The following ACKR2 variants were observed in gnomAD, a reference collection of about 807,000 sequenced individuals.
ACKR2 encodes the protein C-C chemokine receptor D6.
For synonymous variants in ACKR2, 207 were observed against 192.2 expected (o/e 1.08, Z -0.64); for missense variants, 457 against 477.3 (o/e 0.96, Z 0.40).
intron 2 of ACKR2, among the ~76,000 whole-genome samples, chr3:42,856,859 G>T (rs1045250331): frequency 7.6e-6 from 1 of 131,778 alleles, no homozygotes; most frequent in Non-Finnish European, 1.7e-5. Flanking sequence ...AATGCTCTTT[G>T]TTCAATATGA....
At chr3:42,812,470 CT>C (rs1700705840) in intron 1 of ACKR2, among the ~76,000 whole-genome samples, 1 of 152,062 alleles carries the variant, frequency 6.6e-6, no homozygotes, top group South Asian at 2.1e-4. Context: ...CATTTCCTTT[CT>C]TTTAATGAAA....
intron 2 of ACKR2, among the ~76,000 whole-genome samples, chr3:42,857,072 C>T (rs930284784): frequency 6.6e-6 from 1 of 151,956 alleles, no homozygotes; most frequent in Non-Finnish European, 1.5e-5. Context: ...CATGGTCCAC[C>T]CCAATCCCAT....
intron 1 of ACKR2, among the ~76,000 whole-genome samples, chr3:42,812,065 C>G (rs1700702283): frequency 6.6e-6 from 1 of 152,166 alleles, no homozygotes; most frequent in African/African-American, 2.4e-5. Context: ...ATATGCTGAG[C>G]GCCGGTCCCC....
intron 2 of ACKR2, among the ~76,000 whole-genome samples, chr3:42,829,186 A>G (rs944850945): frequency 2.6e-5 from 4 of 152,222 alleles, no homozygotes; most frequent in Non-Finnish European, 5.9e-5. Flanking sequence ...TACACATTTC[A>G]TCAATGCAAA....
At position 42,822,165 on chromosome 3, in the gene ACKR2, T is replaced by TATAAATAAATAAATAAATAAATAA. The variant is rs143225523; in HGVS notation, c.-38+2464_-38+2487dup. 2.9e-3 allele frequency among the ~76,000 whole-genome samples: 425 copies of TATAAATAAATAAATAAATAAATAA among 148,718 alleles called. 5 individuals are homozygous for TATAAATAAATAAATAAATAAATAA. Among genetic ancestry groups the TATAAATAAATAAATAAATAAATAA allele is most frequent in the African/African-American group, 0.01 (407 of 40,644 alleles). ...GTATTTATAGATAGATAGAGACAGA[T>TATAAATAAATAAATAAATAAATAA]ATAAATAAATAAATAAATAAATAAA... is the stretch of plus-strand genomic sequence containing the variant. On this transcript the variant is annotated intron_variant, in intron 2 of 2. Transcript: ENST00000422265.
chr3:42,864,850 G>A lies in ACKR2; in HGVS notation c.348G>A (p.Leu116=), dbSNP rs759998568. 4 of 1,614,184 alleles carry A rather than the reference G, an allele frequency of 2.5e-6. No individual in the cohort carries two copies. In the South Asian group the frequency reaches 4.4e-5, roughly 18 times the overall value. ...VAWHWVFGSF[L]CKMVSTLYTI... Reference sequence around the variant, plus strand: ...GGCATTGGGTCTTCGGGAGTTTCTTGTGCAAGATGGTGAGCACTCTTTATA... The same window carrying A: ...GGCATTGGGTCTTCGGGAGTTTCTTATGCAAGATGGTGAGCACTCTTTATA... Residue 116 remains leucine, a synonymous_variant, in exon 3 of 3, where the codon TTG becomes TTA. Coordinates refer to ENST00000422265, the MANE Select transcript of ACKR2 (RefSeq NM_001296.5).
At chr3:42,841,127 T>C (rs1701033445) in intron 2 of ACKR2, among the ~76,000 whole-genome samples, 1 of 152,258 alleles carries the variant, frequency 6.6e-6, no homozygotes, top group Non-Finnish European at 1.5e-5. Context: ...TACTGAAGTT[T>C]CTAAGAATGT....
At chr3:42,855,261 G>T (rs115658318) in intron 2 of ACKR2, among the ~76,000 whole-genome samples, 165 of 152,328 alleles carry the variant, frequency 1.1e-3, no homozygotes, top group African/African-American at 3.7e-3. Context: ...TGTGCCTGGA[G>T]TCTGAAGACT....
intron 1 of ACKR2, among the ~76,000 whole-genome samples, chr3:42,815,968 T>C (rs1700744037): frequency 6.6e-6 from 1 of 152,234 alleles, no homozygotes; most frequent in Non-Finnish European, 1.5e-5. Flanking sequence ...TATGTGACAC[T>C]GAGCAAGTTA....
chr3:42,856,748 A>G (rs2088325475), intron 2 of ACKR2, among the ~76,000 whole-genome samples: 1 of 151,634 alleles, frequency 6.6e-6, no homozygotes, highest in Admixed American at 6.6e-5. Flanking sequence ...TCAGCAGTCT[A>G]CAGGCCTCTC....
chr3:42,856,891 T>G (rs1022191324), intron 2 of ACKR2, among the ~76,000 whole-genome samples: 1 of 105,542 alleles, frequency 9.5e-6, no homozygotes, highest in Non-Finnish European at 2.3e-5. Context: ...CTCCCTGTCT[T>G]TCTCCTGGAA....
intron 2 of ACKR2, chr3:42,856,585 C>T: frequency 1.9e-6 from 1 of 540,526 alleles, no homozygotes; most frequent in Non-Finnish European, 3.3e-6. Flanking sequence ...GAGCATCCCA[C>T]CCATTAAAAG....
At chr3:42,843,348 G>GC (rs1701060499) in intron 2 of ACKR2, among the ~76,000 whole-genome samples, 2 of 152,126 alleles carry the variant, frequency 1.3e-5, no homozygotes, top group Non-Finnish European at 2.9e-5. Flanking sequence ...GGGATTGCAG[G>GC]CATGAGCCAC....
chr3:42,854,837 AG>A (rs749695950), intron 2 of ACKR2, among the ~76,000 whole-genome samples: 34 of 151,708 alleles, frequency 2.2e-4, no homozygotes, highest in Non-Finnish European at 5.0e-4. Context: ...CAACCAGCAA[AG>A]ACTGAATCAT....
At chr3:42,820,883 G>GTT (rs34265324) in intron 2 of ACKR2, among the ~76,000 whole-genome samples, 11 of 143,782 alleles carry the variant, frequency 7.7e-5, no homozygotes, top group South Asian at 2.2e-4. Flanking sequence ...TTCATCAATA[G>GTT]TTTTTTTTTT....
chr3:42,865,194 C>T lies in ACKR2; in HGVS notation c.692C>T (p.Ser231Phe), dbSNP rs747107773. The change falls in exon 3 of 3, where the codon TCC (serine) becomes TTC (phenylalanine). Residue 231 changes from serine to phenylalanine, a missense_variant. Physicochemically the swap from Ser to Phe is radical, Grantham distance 155. Coordinates refer to ENST00000422265, the MANE Select transcript of ACKR2 (RefSeq NM_001296.5). ...LPLLAMIFFYSRIGCVLVRLR... is the reference protein window; with the variant it reads ...LPLLAMIFFYFRIGCVLVRLR... The stretch of plus-strand genomic sequence containing the variant: ...CTCCTTGCCATGATCTTCTTCTACT[C>T]CCGTATTGGTTGTGTCTTGGTGAGG... The T allele has an allele frequency of 9.9e-6, 16 of 1,614,072 alleles. No homozygotes were observed. The Admixed American group carries it at 2.7e-4, about 27-fold the overall frequency.
intron 1 of ACKR2, among the ~76,000 whole-genome samples, chr3:42,812,553 T>C (rs1700706522): frequency 6.6e-6 from 1 of 152,198 alleles, no homozygotes; most frequent in African/African-American, 2.4e-5. Flanking sequence ...TAACTCTGCC[T>C]TCCTGAGAAC....
intron 2 of ACKR2, among the ~76,000 whole-genome samples, chr3:42,828,090 A>AT (rs200255129): frequency 0.017 from 1,526 of 91,834 alleles, 13 homozygotes; most frequent in Non-Finnish European, 0.024. Flanking sequence ...ATATATATAT[A>AT]TATTTTTTTT....
intron 2 of ACKR2, among the ~76,000 whole-genome samples, chr3:42,840,662 G>A (rs1257763622): frequency 2.0e-5 from 3 of 152,166 alleles, no homozygotes; most frequent in Non-Finnish European, 2.9e-5. Flanking sequence ...GATACTCTAT[G>A]TTGAGTGTCT....
Sources: allele counts gnomAD v4.1 joint callset (sites outside exome capture counted in the v4.1 genomes callset), GRCh38; gene constraint gnomAD v4.1.1; transcripts MANE v1.5; gene names NCBI Gene and HGNC (gene_info 2026-07-23, HGNC 2026-07-21).